Variants in UGT2B10 observed in about 807,000 individuals in gnomAD.
The protein encoded by UGT2B10 is UDP glucuronosyltransferase family 2 member B10.
A neutral mutation model predicts 43.7 loss-of-function variants in UGT2B10; 51 were observed. The observed-to-expected ratio is 1.17, with a 90% confidence interval of 0.93 to 1.47. The LOEUF is 1.47. Among genes scored for constraint, UGT2B10 ranks in the 40% most tolerant of loss-of-function variants. The probability of loss-of-function intolerance (pLI) is 0.00; values close to 1 mark genes in which losing one functional copy is unlikely to be tolerated. For synonymous variants in UGT2B10, 225 were observed against 209.0 expected (o/e 1.08, Z -0.66); for missense variants, 696 against 617.7 (o/e 1.13, Z -1.34).
chr4:68,819,459 A>G (rs901924534), intron 2 of UGT2B10, among the ~76,000 whole-genome samples: 3 of 152,000 alleles, frequency 2.0e-5, no homozygotes, highest in Non-Finnish European at 4.4e-5. Flanking sequence ...TTCCAGCTTA[A>G]AACACTTCCT....
chr4:68,824,725 C>T (rs928418291), intron 3 of UGT2B10, among the ~76,000 whole-genome samples: 3 of 152,116 alleles, frequency 2.0e-5, no homozygotes, highest in African/African-American at 7.2e-5. Flanking sequence ...TTAGTAACAA[C>T]ATAAAAATGT....
At chr4:68,822,165 T>G (rs1227191640) in intron 2 of UGT2B10, 106 bp from the exon 3 acceptor site, 1 of 1,499,110 alleles carries the variant, frequency 6.7e-7, no homozygotes, top group Non-Finnish European at 9.0e-7. Context: ...CAATAATTCC[T>G]CAAAATACTT....
intron 3 of UGT2B10, among the ~76,000 whole-genome samples, chr4:68,824,544 T>C (rs1030400978): frequency 6.6e-6 from 1 of 152,200 alleles, no homozygotes; most frequent in Non-Finnish European, 1.5e-5. Context: ...AATAAACCAG[T>C]GACCTTTGTC....
At chr4:68,829,961 A>C (rs542646962) in intron 5 of UGT2B10, among the ~76,000 whole-genome samples, 1 of 152,196 alleles carries the variant, frequency 6.6e-6, no homozygotes, top group South Asian at 2.1e-4. Context: ...TTCTGGCTAC[A>C]GGGTGGGAAA....
At chr4:68,829,194 A>G (rs1578275102) in intron 5 of UGT2B10, among the ~76,000 whole-genome samples, 1 of 152,088 alleles carries the variant, frequency 6.6e-6, no homozygotes, top group East Asian at 1.9e-4. Context: ...CAATGGAATT[A>G]CCCAAGAACG....
rs768417574 is a variant in UGT2B10, at chr4:68,816,305, T to G, written c.286T>G (p.Leu96Val). Residue 96 changes from leucine to valine, a missense_variant, in exon 1 of 6, where the codon TTG (leucine) becomes GTG (valine). Leu to Val is a conservative substitution (Grantham distance 32, BLOSUM62 1). Coordinates refer to ENST00000265403, the MANE Select transcript of UGT2B10 (RefSeq NM_001075.6). The part of the protein sequence containing the change: ...ENIIMQLVKR[L>V]SEIQKDTFWL... ...TATCATCATGCAATTGGTTAAGAGA[T>G]TGTCAGAAATTCAAAAAGATACATT... 1.2e-6 allele frequency: 2 copies of G among 1,613,142 alleles called. No individual in the cohort carries two copies. Among genetic ancestry groups the G allele is most frequent in the Non-Finnish European group, 1.7e-6 (2 of 1,179,440 alleles).
chr4:68,828,440 T>A (rs1444598140), intron 5 of UGT2B10, among the ~76,000 whole-genome samples: 1 of 151,760 alleles, frequency 6.6e-6, no homozygotes, highest in East Asian at 1.9e-4. Flanking sequence ...AAATACTTTA[T>A]CACAAAGACA....
rs748513326 is a variant in UGT2B10 at position 68,816,140 on chromosome 4, A to G, written c.121A>G (p.Ile41Val). Residue 41 changes from isoleucine to valine, a missense_variant, in exon 1 of 6, where the codon ATC (isoleucine) becomes GTC (valine). By Grantham distance (29) the Ile-to-Val change is conservative. Transcript: ENST00000265403. ...EYSLWMNMKT[I>V]LKELVQRGHE... ...CAGCCTTTGGATGAATATGAAGACAATCCTGAAAGAACTTGTTCAGAGAGG... is the reference window on the plus strand; with the variant it reads ...CAGCCTTTGGATGAATATGAAGACAGTCCTGAAAGAACTTGTTCAGAGAGG... 1 of 1,613,274 alleles carries G rather than the reference A, an allele frequency of 6.2e-7. No homozygotes were observed. The highest frequency in any genetic ancestry group is 1.1e-5 in the South Asian group (1 of 91,068).
intron 5 of UGT2B10, among the ~76,000 whole-genome samples, chr4:68,828,622 G>A (rs78088763): frequency 0.012 from 1,821 of 151,804 alleles, 37 homozygotes; most frequent in African/African-American, 0.042. Flanking sequence ...AAAAAAACAA[G>A]CAAATAATGA....
chr4:68,818,525 A>G (rs895722122), intron 2 of UGT2B10, among the ~76,000 whole-genome samples: 7 of 151,880 alleles, frequency 4.6e-5, no homozygotes, highest in Non-Finnish European at 1.0e-4. Flanking sequence ...GAGAAAAAAA[A>G]TAGACACAGT....
At chr4:68,822,187 T>C in intron 2 of UGT2B10, 84 bp from the exon 3 acceptor site, 1 of 1,554,132 alleles carries the variant, frequency 6.4e-7, no homozygotes, top group East Asian at 2.3e-5. Flanking sequence ...ATTTTCTCTC[T>C]TTAATATTTT....
chr4:68,817,665 G>A (rs1737282803), intron 1 of UGT2B10, among the ~76,000 whole-genome samples: 2 of 151,662 alleles, frequency 1.3e-5, no homozygotes, highest in Non-Finnish European at 3.0e-5. Flanking sequence ...AGAATTAATT[G>A]ATTATGGAGC....
At position 68,818,145 on chromosome 4, in the gene UGT2B10, C is replaced by T. The variant is rs1223202593; in HGVS notation, c.835C>T (p.Leu279Phe). Residue 279 changes from leucine to phenylalanine, a missense_variant, in exon 2 of 6, where the codon CTC becomes TTC. Transcript: ENST00000265403. ...FLPNVDFVGG[L>F]HCKPAKPLPK... ...ACCAAATGTTGATTTTGTTGGAGGA[C>T]TCCACTGCAAACCTGCCAAACCCCT... The T allele has an allele frequency of 6.2e-7, 1 of 1,610,810 alleles. No individual in the cohort carries two copies. Among genetic ancestry groups the T allele is most frequent in the African/African-American group, 1.3e-5 (1 of 74,706 alleles).
intron 5 of UGT2B10, among the ~76,000 whole-genome samples, chr4:68,828,984 C>T (rs1184854056): frequency 6.6e-6 from 1 of 151,928 alleles, no homozygotes; most frequent in Non-Finnish European, 1.5e-5. Context: ...CATAATTATG[C>T]ATGCACTGTT....
At chr4:68,825,685 C>A (rs1200985381) in intron 3 of UGT2B10, among the ~76,000 whole-genome samples, 6 of 152,014 alleles carry the variant, frequency 3.9e-5, no homozygotes, top group Non-Finnish European at 8.8e-5. Context: ...CTTTTTATGG[C>A]TGCATAATAT....
intron 1 of UGT2B10, among the ~76,000 whole-genome samples, chr4:68,817,412 T>TAA (rs1737267513): frequency 6.6e-6 from 1 of 151,788 alleles, no homozygotes; most frequent in Non-Finnish European, 1.5e-5. Context: ...CGAGACTGAT[T>TAA]ATGGTCGAGT....
chr4:68,825,337 A>C (rs2109697693), intron 3 of UGT2B10, among the ~76,000 whole-genome samples: 1 of 151,492 alleles, frequency 6.6e-6, no homozygotes, highest in East Asian at 1.9e-4. Context: ...ATTAACTTTT[A>C]TTTTTAACTT....
At chr4:68,830,527 C>A (rs1738033779) in intron 5 of UGT2B10, 73 bp from the exon 6 acceptor site, 2 of 1,481,746 alleles carry the variant, frequency 1.3e-6, no homozygotes, top group African/African-American at 1.4e-5. Context: ...ACTTTAAAAG[C>A]CTTTCATAGA....
intron 5 of UGT2B10, 23 bp downstream of exon 5, chr4:68,827,571 C>A (rs1254097228): frequency 1.9e-6 from 3 of 1,612,492 alleles, no homozygotes; most frequent in Non-Finnish European, 2.5e-6. Flanking sequence ...ATATTTTTCA[C>A]TAGATGGTAT....
Sources: gnomAD v4.1 joint callset for allele counts (sites outside exome capture counted in the v4.1 genomes callset) on GRCh38, gnomAD v4.1.1 for gene constraint, MANE v1.5 for transcripts, NCBI Gene and HGNC (gene_info 2026-07-23, HGNC 2026-07-21) for gene names.